Variants in ZNF800 observed in about 807,000 individuals in gnomAD.
ZNF800 encodes zinc finger protein 800.
ZNF800 carries 13 observed loss-of-function variants against 59.5 expected under a neutral mutation model. The observed-to-expected ratio is 0.22, with a 90% CI of 0.14 to 0.35. The LOEUF (loss-of-function observed/expected upper bound fraction) is 0.35. Ranked by LOEUF, ZNF800 falls within the 10% of genes least tolerant of loss-of-function variation. The pLI is 1.00. For synonymous variants in ZNF800, 266 were observed against 265.7 expected (o/e 1.00, Z -0.01); for missense variants, 621 against 783.7 (o/e 0.79, Z 2.48).
intron 1 of ZNF800, among the ~76,000 whole-genome samples, chr7:127,356,705 T>C (rs2117035470): frequency 6.6e-6 from 1 of 152,158 alleles, no homozygotes; most frequent in South Asian, 2.1e-4. Context: ...CCATCACTGA[T>C]TAAAGTATAA....
Position 127,374,249 on chromosome 7 carries a change from G to C in ZNF800, c.1087C>G (p.Leu363Val). The change falls in exon 5 of 6, where the codon CTT becomes GTT. Residue 363 changes from leucine to valine, a missense_variant. Around this residue, in one of 7 missense-constraint regions of ZNF800, gnomAD observed 185 missense variants for 177.6 expected, o/e 1.04. Transcript: ENST00000265827. ...EYNLTACKCL[L>V]CKRKYSSQIM... The stretch of plus-strand genomic sequence containing the variant: ...TGTGAACTATATTTCCTCTTGCAAA[G>C]GAGGCATTTGCATGCAGTTAAATTG... 6.2e-7 allele frequency: 1 copy of C among 1,613,918 alleles called. No individual in the cohort carries two copies. The highest frequency in any genetic ancestry group is 1.1e-5 in the South Asian group (1 of 91,070).
Position 127,363,016 on chromosome 7 carries a change from G to A in ZNF800, n.224+10326C>T, listed in dbSNP as rs138839305. 11 of 152,272 alleles carry A rather than the reference G, an allele frequency of 7.2e-5. No homozygotes were observed. The East Asian group carries it at 2.1e-3, about 29-fold the overall frequency. The allele number at this position is 152,272 out of a possible 1,614,324, so 9.4% of individuals were successfully genotyped here. ...GCAGGATGGATAGGCATTGATCACA[G>A]ATTAGGGAGAGTATAAAAGAAAGAA... is the stretch of plus-strand genomic sequence containing the variant. On this transcript the variant is annotated intron_variant and non_coding_transcript_variant, in intron 1 of 1. Transcript: ENST00000485577.
exon 2 of ZNF800, chr7:127,347,792 G>T (rs900209469): frequency 6.6e-6 from 1 of 152,058 alleles, no homozygotes; most frequent in Non-Finnish European, 1.5e-5. Flanking sequence ...CGGCCGCGGC[G>T]AGGCGCCTGA....
chr7:127,349,347 C>T (rs545891008), intron 1 of ZNF800, among the ~76,000 whole-genome samples: 5 of 152,190 alleles, frequency 3.3e-5, no homozygotes, highest in African/African-American at 1.2e-4. Flanking sequence ...TTTGCTAAGC[C>T]TTGTTCCAGG....
At position 127,373,659 on chromosome 7, in the gene ZNF800, T is replaced by C. The variant is rs749644328; in HGVS notation, c.1677A>G (p.Arg559=). The stretch of plus-strand genomic sequence containing the variant: ...CAAAATCAATAGGCTTTTTTATAGC[T>C]CTGATCTCTAAACTGGCTGTTATTT... The part of the protein sequence containing the change: ...LGKITASLEI[R]AIKKPIDFVL... Residue 559 remains arginine, a synonymous_variant, in exon 5 of 6, where the codon AGA becomes AGG. Transcript: ENST00000265827. 1 of 1,614,194 alleles carries C rather than the reference T, an allele frequency of 6.2e-7. No individual in the cohort carries two copies. Among genetic ancestry groups the C allele is most frequent in the Non-Finnish European group, 8.5e-7 (1 of 1,180,032 alleles).
chr7:127,371,852 T>C (rs761888476), intron 5 of ZNF800, 38 bp from the exon 6 acceptor site: 1 of 751,706 alleles, frequency 1.3e-6, no homozygotes, highest in Middle Eastern at 2.3e-4. Flanking sequence ...CTTTTGAGTT[T>C]ACTAATAAAA....
rs1372047781 is a variant in ZNF800, at chr7:127,370,585, T to A, written c.*1229A>T. 3 of 152,564 alleles carry A rather than the reference T, an allele frequency of 2.0e-5. No individual in the cohort carries two copies. Among genetic ancestry groups the A allele is most frequent in the Non-Finnish European group, 2.9e-5 (2 of 67,982 alleles). 9.5% of individuals were successfully genotyped at this position (152,564 alleles called of 1,614,324 possible). A position where few individuals can be genotyped will look rare whatever the true frequency, so the allele number is the denominator to read the frequency against. On this transcript the variant is annotated 3_prime_UTR_variant, in exon 6 of 6. Transcript: ENST00000265827. ...ATTTTAAAATTTTATACAAAAAGTA[T>A]ATAGATGGACAGGGTCCCTCCTAAG...
In ZNF800 at chr7:127,371,677, T is replaced by G; in HGVS notation, c.*137A>C. 1.8e-6 allele frequency: 1 copy of G among 560,178 alleles called. No individual in the cohort carries two copies. The highest frequency in any genetic ancestry group is 3.2e-6 in the Non-Finnish European group (1 of 309,704). 34.7% of individuals were successfully genotyped at this position (560,178 alleles called of 1,614,324 possible). On this transcript the variant is annotated 3_prime_UTR_variant, in exon 6 of 6. Transcript: ENST00000265827. Reference sequence around the variant, plus strand: ...GTTATTTTAGTCAGAAAACAGCAGTTATAGTTGAATATTTAGAAAAATGTT... The same window carrying G: ...GTTATTTTAGTCAGAAAACAGCAGTGATAGTTGAATATTTAGAAAAATGTT...
intron 3 of ZNF800, among the ~76,000 whole-genome samples, chr7:127,382,917 T>C (rs1282171646): frequency 6.6e-6 from 1 of 152,224 alleles, no homozygotes; most frequent in Non-Finnish European, 1.5e-5. Flanking sequence ...TTTTCCTCTA[T>C]ACCCTTTTGT....
downstream of ZNF800, among the ~76,000 whole-genome samples, chr7:127,369,543 C>A (rs1302786243): frequency 6.6e-6 from 1 of 152,120 alleles, no homozygotes; most frequent in Non-Finnish European, 1.5e-5. Context: ...CTTGTTTGTT[C>A]TACCTTTCTA....
In ZNF800 at chr7:127,371,683, T is replaced by C; in HGVS notation, c.*131A>G. 2 of 569,680 alleles carry C rather than the reference T, an allele frequency of 3.5e-6. No individual in the cohort carries two copies. Among genetic ancestry groups the C allele is most frequent in the South Asian group, 2.4e-5 (1 of 42,512 alleles). The allele number at this position is 569,680 out of a possible 1,614,324, so 35.3% of individuals were successfully genotyped here. On this transcript the variant is annotated 3_prime_UTR_variant, in exon 6 of 6. Coordinates refer to ENST00000265827, the MANE Select transcript of ZNF800 (RefSeq NM_176814.5). The stretch of plus-strand genomic sequence containing the variant: ...TTAGTCAGAAAACAGCAGTTATAGT[T>C]GAATATTTAGAAAAATGTTTTTCTT...
intron 1 of ZNF800, among the ~76,000 whole-genome samples, chr7:127,357,726 G>A (rs923057369): frequency 2.6e-5 from 4 of 151,670 alleles, no homozygotes; most frequent in Non-Finnish European, 5.9e-5. Context: ...AAACCTCTCT[G>A]AATACAACAC....
intron 1 of ZNF800, chr7:127,360,248 A>T (rs1244561513): frequency 1.3e-5 from 2 of 152,156 alleles, no homozygotes; most frequent in African/African-American, 2.4e-5. Flanking sequence ...GGAGTCAGCC[A>T]AACATCTGCA....
chr7:127,346,239 C>G (rs1236520510), downstream of ZNF800, among the ~76,000 whole-genome samples: 1 of 152,050 alleles, frequency 6.6e-6, no homozygotes, highest in Non-Finnish European at 1.5e-5. Flanking sequence ...AGGAAAAGAT[C>G]AGAACATTTT....
At chr7:127,373,128 A>G (rs1800677385) in intron 5 of ZNF800, 6 of 985,350 alleles carry the variant, frequency 6.1e-6, no homozygotes, top group Non-Finnish European at 7.2e-6. Context: ...CCTGTGGAAG[A>G]TAAGTTCTGA....
chr7:127,387,461 G>T (rs2117202849), intron 2 of ZNF800, among the ~76,000 whole-genome samples: 1 of 152,306 alleles, frequency 6.6e-6, no homozygotes, highest in South Asian at 2.1e-4. Flanking sequence ...TATAGATACA[G>T]GCTTAGATTC....
chr7:127,361,923 A>T (rs1800400642), intron 1 of ZNF800: 4 of 152,180 alleles, frequency 2.6e-5, no homozygotes, highest in South Asian at 2.1e-4. Flanking sequence ...AACTTAAGGC[A>T]AAACTGCTGA....
Position 127,374,978 on chromosome 7 carries a change from T to C in ZNF800, c.358A>G (p.Ile120Val), listed in dbSNP as rs765919736. 9.3e-6 allele frequency: 15 copies of C among 1,611,540 alleles called. No homozygotes were observed. Among genetic ancestry groups the C allele is most frequent in the Non-Finnish European group, 1.1e-5 (13 of 1,179,106 alleles). Residue 120 changes from isoleucine (I) to valine (V), a missense_variant, in exon 5 of 6, where the codon ATA becomes GTA. By Grantham distance (29) the Ile-to-Val change is conservative. Coordinates refer to ENST00000265827, the MANE Select transcript of ZNF800 (RefSeq NM_176814.5). ...TCTCGTTTGTCCACACTTGGATATA[T>C]GGCTTCTAGGAGATCATTTATGGCT... ...SQAINDLLEAIYPSVDKREYI... is the reference protein window; with the variant it reads ...SQAINDLLEAVYPSVDKREYI...
chr7:127,392,523 G>A lies in ZNF800; in HGVS notation c.-522C>T, dbSNP rs1017885194. ...TCCCTCAGGCTTTAGGAGAGGGGCG[G>A]AGAAAAATGGGGGTCTCCCCCAACC... On this transcript the variant is annotated 5_prime_UTR_variant, in exon 1 of 6. Coordinates refer to ENST00000265827, the MANE Select transcript of ZNF800 (RefSeq NM_176814.5). The A allele has an allele frequency of 1.8e-5, 6 of 331,736 alleles. No homozygotes were observed. The highest frequency in any genetic ancestry group is 1.1e-4 in the African/African-American group (5 of 47,078). The allele number at this position is 331,736 out of a possible 1,614,324, so 20.5% of individuals were successfully genotyped here.
Sources: allele counts gnomAD v4.1 joint callset (sites outside exome capture counted in the v4.1 genomes callset), GRCh38; gene constraint gnomAD v4.1.1; regional missense constraint gnomAD v4.1.1; transcripts MANE v1.5; gene names NCBI Gene and HGNC (gene_info 2026-07-23, HGNC 2026-07-21).